Variants in MAGI2 observed in about 807,000 individuals in gnomAD.
MAGI2 encodes membrane associated guanylate kinase, WW and PDZ domain containing 2, also known as membrane-associated guanylate kinase, WW and PDZ domain-containing protein 2.
In MAGI2, 35 loss-of-function variants were observed where a neutral mutation model predicts 133.3. The observed-to-expected ratio is 0.26, with a 90% confidence interval of 0.20 to 0.35. The LOEUF (loss-of-function observed/expected upper bound fraction) is 0.35, where lower values mean the gene tolerates loss of function less well. Among genes scored for constraint, MAGI2 ranks in the 10% least tolerant of loss-of-function variants. The pLI, the probability that MAGI2 is intolerant of heterozygous loss-of-function variation, is 1.00. For synonymous variants in MAGI2, 729 were observed against 710.6 expected (o/e 1.03, Z -0.41); for missense variants, 1,636 against 1,863.4 (o/e 0.88, Z 2.25).
chr7:78,796,787 TACTC>T (rs1010326097), intron 2 of MAGI2, among the ~76,000 whole-genome samples: 2 of 152,156 alleles, frequency 1.3e-5, no homozygotes, highest in Admixed American at 6.6e-5. Context: ...AATGGAATAT[TACTC>T]AGCCATAAAA....
At chr7:78,110,268 G>A (rs1440229370) in intron 20 of MAGI2, among the ~76,000 whole-genome samples, 2 of 152,166 alleles carry the variant, frequency 1.3e-5, no homozygotes, top group African/African-American at 4.8e-5. Context: ...GCACAGTCAT[G>A]CTACTAGGTT....
At chr7:79,086,664 CTTA>C (rs1227286888) in intron 1 of MAGI2, among the ~76,000 whole-genome samples, 1 of 151,640 alleles carries the variant, frequency 6.6e-6, no homozygotes, top group Non-Finnish European at 1.5e-5. Flanking sequence ...ATCTCGCTTT[CTTA>C]TTGTTGTTGT....
At chr7:79,180,894 G>A (rs115266524) in intron 1 of MAGI2, among the ~76,000 whole-genome samples, 2,062 of 151,904 alleles carry the variant, frequency 0.014, 60 homozygotes, top group African/African-American at 0.043. Context: ...CAGGCCCCAC[G>A]CAAGTCCAAA....
chr7:78,193,356 C>A (rs573383338), intron 12 of MAGI2, among the ~76,000 whole-genome samples: 5 of 152,144 alleles, frequency 3.3e-5, no homozygotes, highest in Admixed American at 6.5e-5. Flanking sequence ...CTATGCACTT[C>A]CAACTTGCAT....
chr7:78,153,529 A>T lies in MAGI2; in HGVS notation c.2845+6496T>A, dbSNP rs934301327. On this transcript the variant is annotated intron_variant, in intron 16 of 21. Coordinates refer to ENST00000354212, the MANE Select transcript of MAGI2 (RefSeq NM_012301.4). ...AAAACACTGCCTTATATTGCCTTGA[A>T]AGGGGAGCTGGGTTAGTGTATTTAA... Among the ~76,000 whole-genome samples the T allele has an allele frequency of 5.9e-5, 9 of 152,336 alleles. No homozygotes were observed. In the South Asian group the frequency reaches 8.3e-4, roughly 14 times the overall value.
At chr7:78,184,099 CCTT>C (rs1584302927) in intron 13 of MAGI2, among the ~76,000 whole-genome samples, 1 of 152,238 alleles carries the variant, frequency 6.6e-6, no homozygotes, top group South Asian at 2.1e-4. Flanking sequence ...GGGCCATTCT[CCTT>C]CTCTTGTTTT....
chr7:79,415,497 G>A (rs1563202573), intron 1 of MAGI2: 1 of 152,110 alleles, frequency 6.6e-6, no homozygotes, highest in Non-Finnish European at 1.5e-5. Flanking sequence ...CTCCTTCCCA[G>A]ATAGCTGCCT....
At chr7:79,271,012 C>T (rs1476485590) in intron 1 of MAGI2, among the ~76,000 whole-genome samples, 1 of 151,930 alleles carries the variant, frequency 6.6e-6, no homozygotes, top group Non-Finnish European at 1.5e-5. Flanking sequence ...TTACTGCTTC[C>T]TCTCTGTCTT....
intron 2 of MAGI2, among the ~76,000 whole-genome samples, chr7:78,760,984 T>C (rs1888238): frequency 0.43 from 65,210 of 152,068 alleles, 14,303 homozygotes; most frequent in Non-Finnish European, 0.48. Flanking sequence ...CTATAGGAGA[T>C]AATTTCTCAT....
At chr7:79,041,976 A>G (rs1811710425) in intron 1 of MAGI2, among the ~76,000 whole-genome samples, 2 of 152,146 alleles carry the variant, frequency 1.3e-5, no homozygotes, top group South Asian at 4.1e-4. Flanking sequence ...ACAACTAAGA[A>G]TTAAAAAAAT....
intron 1 of MAGI2, among the ~76,000 whole-genome samples, chr7:79,106,259 T>C (rs1818440006): frequency 6.6e-6 from 1 of 152,046 alleles, no homozygotes; most frequent in African/African-American, 2.4e-5. Context: ...AGAAGGACAA[T>C]AGAGATAAGG....
At chr7:78,228,146 C>T (rs1377598723) in intron 10 of MAGI2, among the ~76,000 whole-genome samples, 1 of 152,088 alleles carries the variant, frequency 6.6e-6, no homozygotes, top group Non-Finnish European at 1.5e-5. Context: ...AAAGAGTATT[C>T]TTCTTTTAAC....
intron 3 of MAGI2, among the ~76,000 whole-genome samples, chr7:78,607,498 TAAAAA>T (rs11318579): frequency 7.2e-6 from 1 of 139,556 alleles, no homozygotes; most frequent in Non-Finnish European, 1.5e-5. Context: ...AAGTCAAACT[TAAAAA>T]AAAAAAAAAA....
At chr7:79,281,839 GAGTT>G (rs1430527765) in intron 1 of MAGI2, among the ~76,000 whole-genome samples, 4 of 152,196 alleles carry the variant, frequency 2.6e-5, no homozygotes, top group Admixed American at 6.5e-5. Flanking sequence ...ATATGAAACA[GAGTT>G]AGAGAATTGT....
chr7:79,400,970 A>C (rs557483487), intron 1 of MAGI2, among the ~76,000 whole-genome samples: 1 of 152,264 alleles, frequency 6.6e-6, no homozygotes, highest in East Asian at 1.9e-4. Context: ...GGAGATACAC[A>C]GGATTAGTTA....
chr7:78,357,273 C>T (rs1792181336), intron 7 of MAGI2, among the ~76,000 whole-genome samples: 1 of 152,178 alleles, frequency 6.6e-6, no homozygotes, highest in South Asian at 2.1e-4. Context: ...TAGTATCTCC[C>T]ATTAAGCACT....
chr7:78,523,239 T>C (rs959099622), intron 3 of MAGI2, among the ~76,000 whole-genome samples: 26 of 152,190 alleles, frequency 1.7e-4, no homozygotes, highest in Admixed American at 6.6e-4. Flanking sequence ...GCAGTAATTG[T>C]TCTAATCACC....
chr7:78,312,030 A>C (rs1027845166), intron 9 of MAGI2, among the ~76,000 whole-genome samples: 1 of 152,110 alleles, frequency 6.6e-6, no homozygotes, highest in Non-Finnish European at 1.5e-5. Flanking sequence ...CGGCCTCCCA[A>C]AGTGCTGGGA....
intron 10 of MAGI2, chr7:78,251,626 A>C (rs895537002): frequency 1.3e-5 from 2 of 152,230 alleles, no homozygotes; most frequent in African/African-American, 4.8e-5. Context: ...CAATAACATC[A>C]ACAAGAATAA....
Sources: allele counts gnomAD v4.1 joint callset (sites outside exome capture counted in the v4.1 genomes callset), GRCh38; gene constraint gnomAD v4.1.1; transcripts MANE v1.5; gene names NCBI Gene and HGNC (gene_info 2026-07-23, HGNC 2026-07-21).